The following ATXN7L1 variants were observed in gnomAD, a reference collection of about 807,000 sequenced individuals.
ATXN7L1 encodes ataxin 7 like 1, also known as ataxin-7-like protein 1.
In ATXN7L1, 15 loss-of-function variants were observed where a neutral mutation model predicts 70.8. That is an observed-to-expected ratio of 0.21 (90% confidence interval 0.14 to 0.33). The LOEUF is 0.33. Ranked by LOEUF, ATXN7L1 falls within the 10% of genes least tolerant of loss-of-function variation. ATXN7L1 has a pLI of 1.00. For synonymous variants in ATXN7L1, 440 were observed against 445.1 expected, an observed-to-expected ratio of 0.99 and a Z score of 0.14; for missense variants, 975 against 1,097.1, an observed-to-expected ratio of 0.89 and a Z score of 1.57.
At chr7:105,822,103 A>G (rs952567377) in intron 2 of ATXN7L1, among the ~76,000 whole-genome samples, 1 of 152,176 alleles carries the variant, frequency 6.6e-6, no homozygotes, top group Non-Finnish European at 1.5e-5. Context: ...AGTCTTAGGA[A>G]CAACATTGCT....
rs1792792551 is a variant in ATXN7L1 at position 105,607,067 on chromosome 7, G to C, written c.*785C>G. 2 of 152,420 alleles carry C rather than the reference G, an allele frequency of 1.3e-5. No individual in the cohort carries two copies. 9.4% of individuals were successfully genotyped at this position (152,420 alleles called of 1,614,324 possible). A position where few individuals can be genotyped will look rare whatever the true frequency, so the allele number is the denominator to read the frequency against. ...CACCACAGTCTCCAGTTTTTTTAGG[G>C]ATCATCTCCTACCCACCATGCTCTG... On this transcript the variant is annotated 3_prime_UTR_variant, in exon 12 of 12. Transcript: ENST00000419735.
chr7:105,786,153 A>G (rs983191532), intron 3 of ATXN7L1, among the ~76,000 whole-genome samples: 2 of 152,228 alleles, frequency 1.3e-5, no homozygotes, highest in African/African-American at 4.8e-5. Flanking sequence ...AGTTGTGATC[A>G]TGTCCCCATT....
intron 7 of ATXN7L1, among the ~76,000 whole-genome samples, chr7:105,632,605 T>G (rs1037181556): frequency 6.6e-6 from 1 of 151,984 alleles, no homozygotes; most frequent in Non-Finnish European, 1.5e-5. Flanking sequence ...GAGTACCCAG[T>G]ATGATGAATG....
intron 3 of ATXN7L1, among the ~76,000 whole-genome samples, chr7:105,682,725 C>T (rs1419422957): frequency 6.6e-6 from 1 of 151,602 alleles, no homozygotes; most frequent in Non-Finnish European, 1.5e-5. Context: ...ATGAAATGTC[C>T]AGAATAGGTA....
chr7:105,748,058 T>C (rs897958563), intron 3 of ATXN7L1, among the ~76,000 whole-genome samples: 2 of 146,834 alleles, frequency 1.4e-5, no homozygotes, highest in African/African-American at 2.5e-5. Context: ...GTGGAGGTTG[T>C]GGTGAGCCAA....
In ATXN7L1 at chr7:105,638,509, T is replaced by C; in HGVS notation, c.1046A>G (p.Lys349Arg). The C allele has an allele frequency of 4.5e-6, 7 of 1,552,326 alleles. No homozygotes were observed. The highest frequency in any genetic ancestry group is 6.1e-6 in the Non-Finnish European group (7 of 1,147,122). Residue 349 changes from lysine (K) to arginine (R), a missense_variant, in exon 7 of 12, where the codon AAA becomes AGA. Physicochemically the swap from Lys to Arg is conservative, Grantham distance 26. Coordinates refer to ENST00000419735, the MANE Select transcript of ATXN7L1 (RefSeq NM_020725.2). ...HKAKSREKEV[K>R]DKEHLLTSTR... ...GGAAGTCAGGAGATGCTCTTTATCT[T>C]TAACTTCTTTTTCCCGGGACTTTGC... is the stretch of plus-strand genomic sequence containing the variant.
intron 8 of ATXN7L1, among the ~76,000 whole-genome samples, chr7:105,621,694 G>T (rs1487117954): frequency 6.6e-6 from 1 of 152,176 alleles, no homozygotes; most frequent in Admixed American, 6.5e-5. Flanking sequence ...TAGGGCTCAG[G>T]CAAGTCTGCA....
intron 2 of ATXN7L1, among the ~76,000 whole-genome samples, chr7:105,869,027 T>C (rs1817873948): frequency 6.6e-6 from 1 of 152,212 alleles, no homozygotes; most frequent in African/African-American, 2.4e-5. Context: ...CCAAACTAGA[T>C]GATCAGGATG....
At chr7:105,764,196 A>G (rs748883832) in intron 3 of ATXN7L1, among the ~76,000 whole-genome samples, 301 of 152,082 alleles carry the variant, frequency 2.0e-3, no homozygotes, top group Non-Finnish European at 1.8e-3. Flanking sequence ...TAGCTTTTCC[A>G]TCTGGTCAAA....
chr7:105,685,594 C>CAA (rs1563002199), intron 3 of ATXN7L1, among the ~76,000 whole-genome samples: 1 of 151,994 alleles, frequency 6.6e-6, no homozygotes, highest in Non-Finnish European at 1.5e-5. Context: ...ACCATATTTG[C>CAA]AGAGGGGCCC....
At chr7:105,727,758 A>ATATATATATATATATATATATATATG (rs1796029307) in intron 3 of ATXN7L1, among the ~76,000 whole-genome samples, 2 of 88,490 alleles carry the variant, frequency 2.3e-5, no homozygotes, top group African/African-American at 9.1e-5. Context: ...ATATATATAT[A>ATATATATATATATATATATATATATG]TATATATATA....
intron 1 of ATXN7L1, among the ~76,000 whole-genome samples, chr7:105,876,170 C>CAG (rs1299845737): frequency 6.6e-6 from 1 of 152,060 alleles, no homozygotes; most frequent in Non-Finnish European, 1.5e-5. Flanking sequence ...GGGAGCCGGG[C>CAG]ACAGACAGAC....
intron 3 of ATXN7L1, among the ~76,000 whole-genome samples, chr7:105,786,121 G>A (rs1379115653): frequency 6.6e-6 from 1 of 152,198 alleles, no homozygotes; most frequent in African/African-American, 2.4e-5. Flanking sequence ...GCTGAGGGAG[G>A]CCTTGGTGCC....
intron 2 of ATXN7L1, among the ~76,000 whole-genome samples, chr7:105,867,099 C>T (rs997331273): frequency 6.6e-6 from 1 of 152,164 alleles, no homozygotes; most frequent in African/African-American, 2.4e-5. Flanking sequence ...CCCTGGGAAC[C>T]GCCGGCTGAA....
Position 105,818,951 on chromosome 7 carries a change from G to A in ATXN7L1, c.251-30243C>T, listed in dbSNP as rs147295011. ...TGCACAATGTACAGGTTTGATATAG[G>A]TATACATGTGCCATGTTGGTTTGAT... On this transcript the variant is annotated intron_variant, in intron 2 of 11. Transcript: ENST00000419735. 2.1e-4 allele frequency among the ~76,000 whole-genome samples: 32 copies of A among 151,224 alleles called. No individual in the cohort carries two copies. The East Asian group carries it at 5.9e-3, about 28-fold the overall frequency.
intron 4 of ATXN7L1, among the ~76,000 whole-genome samples, chr7:105,650,147 C>T (rs1361699389): frequency 6.6e-6 from 1 of 152,138 alleles, no homozygotes; most frequent in Non-Finnish European, 1.5e-5. Context: ...TGAAGAAGTA[C>T]TTGGGAGATT....
chr7:105,750,288 T>TC (rs1298815141), intron 3 of ATXN7L1, among the ~76,000 whole-genome samples: 2 of 151,624 alleles, frequency 1.3e-5, no homozygotes, highest in African/African-American at 2.4e-5. Flanking sequence ...TTGCTCTTTT[T>TC]TTTTTTTGAG....
chr7:105,745,579 C>T (rs1798494778), intron 3 of ATXN7L1, among the ~76,000 whole-genome samples: 1 of 152,326 alleles, frequency 6.6e-6, no homozygotes, highest in East Asian at 1.9e-4. Flanking sequence ...ACCCAGCTGA[C>T]CAGTTCCCGA....
chr7:105,767,894 G>A (rs1801490484), intron 3 of ATXN7L1, among the ~76,000 whole-genome samples: 1 of 152,210 alleles, frequency 6.6e-6, no homozygotes, highest in Non-Finnish European at 1.5e-5. Context: ...AGTTCGACTG[G>A]TACTCAGGGC....
Sources: allele counts gnomAD v4.1 joint callset (sites outside exome capture counted in the v4.1 genomes callset), GRCh38; gene constraint gnomAD v4.1.1; transcripts MANE v1.5; gene names NCBI Gene and HGNC (gene_info 2026-07-23, HGNC 2026-07-21).